The following SMAD6 variants were observed in gnomAD, a reference collection of about 807,000 sequenced individuals.
The protein encoded by SMAD6 is MAD homolog 6.
Under a neutral mutation model 39.4 loss-of-function variants are expected in SMAD6, and 103 were observed. That is an observed-to-expected ratio of 2.62 (90% CI 2.23 to 3.08). The LOEUF is 3.08. Among genes scored for constraint, SMAD6 ranks in the 30% most tolerant of loss-of-function variants. SMAD6 has a pLI of 0.00. For synonymous variants in SMAD6, 445 were observed against 353.3 expected (o/e 1.26, Z -2.91); for missense variants, 1,104 against 742.9 (o/e 1.49, Z -5.65).
chr15:66,742,747 G>A (rs143190099), intron 3 of SMAD6, among the ~76,000 whole-genome samples: 14 of 152,222 alleles, frequency 9.2e-5, no homozygotes, highest in Non-Finnish European at 1.6e-4. Context: ...TCCACAATCA[G>A]CACCCATTCC....
At position 66,781,280 on chromosome 15, in the gene SMAD6, C is replaced by T. The variant is rs1427773207; in HGVS notation, c.1236C>T (p.Val412=). Residue 412 remains valine (V), a synonymous_variant, in exon 4 of 4, where the codon GTC becomes GTT. Transcript: ENST00000288840. ...AYNRGEHPIF[V]NSPTLDAPGG... ...ACCGCGGCGAGCACCCCATCTTCGT[C>T]AACTCCCCGACGCTGGACGCGCCCG... is the stretch of plus-strand genomic sequence containing the variant. 26 of 1,607,048 alleles carry T rather than the reference C, an allele frequency of 1.6e-5. No homozygotes were observed. The highest frequency in any genetic ancestry group is 2.1e-5 in the Non-Finnish European group (25 of 1,178,656).
At chr15:66,778,891 C>T (rs1037383006) in intron 3 of SMAD6, among the ~76,000 whole-genome samples, 2 of 152,206 alleles carry the variant, frequency 1.3e-5, no homozygotes, top group Non-Finnish European at 2.9e-5. Context: ...TCATGGATGC[C>T]GTTGCCCGTC....
chr15:66,709,377 TG>T (rs1470025623), intron 1 of SMAD6, among the ~76,000 whole-genome samples: 2 of 152,206 alleles, frequency 1.3e-5, no homozygotes, highest in African/African-American at 4.8e-5. Context: ...GCTATGGCCA[TG>T]GGTAGCAGGT....
intron 3 of SMAD6, among the ~76,000 whole-genome samples, chr15:66,756,334 A>C (rs559888490): frequency 6.6e-6 from 1 of 152,180 alleles, no homozygotes; most frequent in Non-Finnish European, 1.5e-5. Flanking sequence ...AATAAGGTTT[A>C]AATTACAGGC....
chr15:66,703,053 T>C lies in SMAD6; in HGVS notation c.-206T>C, dbSNP rs1893009009. 2.5e-6 allele frequency: 1 copy of C among 405,076 alleles called. No homozygotes were observed. Among genetic ancestry groups the C allele is most frequent in the South Asian group, 1.2e-4 (1 of 8,116 alleles). 25.1% of individuals were successfully genotyped at this position (405,076 alleles called of 1,614,324 possible). On this transcript the variant is annotated 5_prime_UTR_variant, in exon 1 of 4. Transcript: ENST00000288840. ...CGGACTGCGGCTCGGCGTGCGCGTG[T>C]TCCCGGCCGTCCCGCCTCGGCGAGC...
chr15:66,779,033 T>C (rs1361659424), intron 3 of SMAD6, among the ~76,000 whole-genome samples: 2 of 152,184 alleles, frequency 1.3e-5, no homozygotes, highest in East Asian at 3.8e-4. Context: ...GGCATGGTGC[T>C]GCTTTTCTGG....
chr15:66,703,308 G>C lies in SMAD6; in HGVS notation c.50G>C (p.Arg17Pro). The C allele has an allele frequency of 2.7e-6, 4 of 1,490,930 alleles. No individual in the cohort carries two copies. Among genetic ancestry groups the C allele is most frequent in the Non-Finnish European group, 3.6e-6 (4 of 1,119,572 alleles). 92.4% of individuals were successfully genotyped at this position (1,490,930 alleles called of 1,614,324 possible). ...CTGGTGCGGCGACTTTGGCGAAGTC[G>C]TGTGGTCCCCGACCGGGAGGAAGGC... ...SGLVRRLWRS[R>P]VVPDREEGGS... Residue 17 changes from arginine (R) to proline (P), a missense_variant, in exon 1 of 4, where the codon CGT becomes CCT. Coordinates refer to ENST00000288840, the MANE Select transcript of SMAD6 (RefSeq NM_005585.5).
intron 3 of SMAD6, 45 bp from the exon 4 acceptor site, chr15:66,780,952 C>T: frequency 3.3e-6 from 5 of 1,501,102 alleles, no homozygotes; most frequent in Non-Finnish European, 4.5e-6. Context: ...TGCCTCCCAC[C>T]TCCCCACCCA....
Position 66,752,596 on chromosome 15 carries a change from G to A in SMAD6, c.953-28401G>A, listed in dbSNP as rs777181715. 2.0e-4 allele frequency among the ~76,000 whole-genome samples: 31 copies of A among 152,042 alleles called. 1 individual carries two copies. The Middle Eastern group carries it at 0.01, about 50-fold the overall frequency. ...GGCTGGGAGTTCGAGACCAGACTGG[G>A]CAACATAGTGAGGCCCTGTCTCTAC... is the stretch of plus-strand genomic sequence containing the variant. On this transcript the variant is annotated intron_variant, in intron 3 of 3. Coordinates refer to ENST00000288840, the MANE Select transcript of SMAD6 (RefSeq NM_005585.5).
chr15:66,759,449 G>A (rs1303488964), intron 3 of SMAD6, among the ~76,000 whole-genome samples: 4 of 152,144 alleles, frequency 2.6e-5, no homozygotes, highest in Non-Finnish European at 4.4e-5. Flanking sequence ...ATTCTATAGC[G>A]ATGAATTCTG....
chr15:66,744,283 C>T (rs1156476907), intron 3 of SMAD6, among the ~76,000 whole-genome samples: 2 of 152,178 alleles, frequency 1.3e-5, no homozygotes, highest in South Asian at 2.1e-4. Flanking sequence ...TAGTCCACTC[C>T]CAGTTTTTGA....
chr15:66,781,339 C>G lies in SMAD6; in HGVS notation c.1295C>G (p.Pro432Arg). The change falls in exon 4 of 4, where the codon CCC becomes CGC. Residue 432 changes from proline (P) to arginine (R), a missense_variant. Pro to Arg is a moderately radical substitution (Grantham distance 103). Transcript: ENST00000288840. ...GRALVVRKVPPGYSIKVFDFE... is the reference protein window; with the variant it reads ...GRALVVRKVPRGYSIKVFDFE... The stretch of plus-strand genomic sequence containing the variant: ...GCCCTGGTCGTGCGCAAGGTGCCCC[C>G]CGGCTACTCCATCAAGGTGTTCGAC... The G allele has an allele frequency of 6.3e-7, 1 of 1,599,022 alleles. No individual in the cohort carries two copies. The highest frequency in any genetic ancestry group is 8.5e-7 in the Non-Finnish European group (1 of 1,174,392).
At chr15:66,762,805 G>A (rs943287755) in intron 3 of SMAD6, among the ~76,000 whole-genome samples, 3 of 152,090 alleles carry the variant, frequency 2.0e-5, no homozygotes, top group African/African-American at 7.2e-5. Context: ...CTGGTGGTAG[G>A]ATGCTTGCAC....
At chr15:66,764,649 G>A (rs1444473367) in intron 3 of SMAD6, among the ~76,000 whole-genome samples, 2 of 152,080 alleles carry the variant, frequency 1.3e-5, no homozygotes, top group Admixed American at 6.5e-5. Context: ...TGTGGGTAAG[G>A]TTGACATACT....
chr15:66,780,923 G>T (rs1894547323), intron 3 of SMAD6, 74 bp from the exon 4 acceptor site: 1 of 1,420,004 alleles, frequency 7.0e-7, no homozygotes, highest in African/African-American at 1.4e-5. Context: ...AGACAGCAGT[G>T]CCCACCTCCG....
intron 3 of SMAD6, among the ~76,000 whole-genome samples, chr15:66,744,960 G>T (rs1279377445): frequency 6.6e-6 from 1 of 152,156 alleles, no homozygotes; most frequent in Non-Finnish European, 1.5e-5. Context: ...GAATCTGGGT[G>T]CCTGTGGTCA....
chr15:66,723,484 C>CG (rs1179112581), intron 3 of SMAD6, among the ~76,000 whole-genome samples: 1 of 151,942 alleles, frequency 6.6e-6, no homozygotes, highest in Non-Finnish European at 1.5e-5. Context: ...TGAGACCAGC[C>CG]GGGGGCAACA....
chr15:66,758,133 C>G (rs1252250825), intron 3 of SMAD6, among the ~76,000 whole-genome samples: 1 of 152,214 alleles, frequency 6.6e-6, no homozygotes, highest in Non-Finnish European at 1.5e-5. Flanking sequence ...GAATTAACCA[C>G]AGAGATCCCT....
intron 3 of SMAD6, among the ~76,000 whole-genome samples, chr15:66,763,322 G>A (rs1412043504): frequency 6.6e-6 from 1 of 152,230 alleles, no homozygotes; most frequent in East Asian, 1.9e-4. Flanking sequence ...GAGACTGGCG[G>A]CTCTGGGTCT....
Sources: allele counts gnomAD v4.1 joint callset (sites outside exome capture counted in the v4.1 genomes callset), GRCh38; gene constraint gnomAD v4.1.1; transcripts MANE v1.5; gene names NCBI Gene and HGNC (gene_info 2026-07-23, HGNC 2026-07-21).